Variants in DGKB observed in about 807,000 individuals in gnomAD.
DGKB encodes 90 kDa diacylglycerol kinase.
In DGKB, 67 loss-of-function variants were observed where a neutral mutation model predicts 114.3. The observed-to-expected ratio is 0.59, with a 90% CI of 0.48 to 0.72. The LOEUF (loss-of-function observed/expected upper bound fraction) is 0.72. Among genes scored for constraint, DGKB ranks in the 30% least tolerant of loss-of-function variants. The pLI is 0.00. For missense variants in DGKB, 907 were observed against 975.2 expected, an observed-to-expected ratio of 0.93 and a Z score of 0.93; for synonymous variants, 398 against 323.1, an observed-to-expected ratio of 1.23 and a Z score of -2.49.
intron 23 of DGKB, 139 bp from the exon 24 acceptor site, chr7:14,178,290 A>C: frequency 1.1e-6 from 1 of 870,588 alleles, no homozygotes; most frequent in Non-Finnish European, 1.7e-6. Flanking sequence ...AAAGTAATAA[A>C]AAGATGGCCT....
At chr7:14,170,587 T>C (rs1452602638) in intron 25 of DGKB, among the ~76,000 whole-genome samples, 2 of 152,182 alleles carry the variant, frequency 1.3e-5, no homozygotes, top group Non-Finnish European at 2.9e-5. Context: ...AAAACTTAAA[T>C]TTATACAACC....
At position 14,625,902 on chromosome 7, in the gene DGKB, T is replaced by C. The variant is rs566720768; in HGVS notation, c.1167+4334A>G. Among the ~76,000 whole-genome samples the C allele has an allele frequency of 1.1e-4, 17 of 152,310 alleles. No individual in the cohort carries two copies. In the East Asian group the frequency reaches 3.1e-3, roughly 28 times the overall value. ...GTTTGCTATGTAGACATTTTAAATA[T>C]AGAATTCAGTGTTTTGTGATCCGTA... On this transcript the variant is annotated intron_variant, in intron 14 of 25. Coordinates refer to ENST00000402815, the MANE Select transcript of DGKB (RefSeq NM_001350709.2).
intron 21 of DGKB, among the ~76,000 whole-genome samples, chr7:14,406,572 A>G (rs1045565268): frequency 3.3e-5 from 5 of 152,034 alleles, no homozygotes; most frequent in African/African-American, 9.7e-5. Context: ...ATGGAAAACC[A>G]TAAAACAATC....
At chr7:14,597,826 A>G (rs941492005) in intron 17 of DGKB, among the ~76,000 whole-genome samples, 41 of 151,422 alleles carry the variant, frequency 2.7e-4, no homozygotes, top group African/African-American at 9.4e-4. Flanking sequence ...AATAATTTAC[A>G]TGTGTGTGTG....
chr7:14,792,650 G>C lies in DGKB; in HGVS notation c.71-34919C>G, dbSNP rs146011293. On this transcript the variant is annotated intron_variant, in intron 2 of 25. Transcript: ENST00000402815. Reference sequence around the variant, plus strand: ...TAAACCAAACAAAAAAATATCTGTTGAGCAAAGTTTGAAGATTATTTTGCA... The same window carrying C: ...TAAACCAAACAAAAAAATATCTGTTCAGCAAAGTTTGAAGATTATTTTGCA... Among the ~76,000 whole-genome samples the C allele has an allele frequency of 1.3e-4, 20 of 152,224 alleles. No homozygotes were observed. In the East Asian group the frequency reaches 2.1e-3, roughly 16 times the overall value.
At chr7:14,427,152 C>T (rs1827700051) in intron 21 of DGKB, among the ~76,000 whole-genome samples, 1 of 151,956 alleles carries the variant, frequency 6.6e-6, no homozygotes, top group Non-Finnish European at 1.5e-5. Context: ...GGGCTTAATA[C>T]CTAGGTAATA....
chr7:14,471,843 A>G (rs576662071), intron 21 of DGKB, among the ~76,000 whole-genome samples: 1 of 152,126 alleles, frequency 6.6e-6, no homozygotes, highest in Non-Finnish European at 1.5e-5. Flanking sequence ...ATAAATACCT[A>G]TTGAGTACAC....
chr7:14,635,491 T>C (rs1810567956), intron 13 of DGKB, among the ~76,000 whole-genome samples: 1 of 151,400 alleles, frequency 6.6e-6, no homozygotes, highest in Non-Finnish European at 1.5e-5. Context: ...TTATAGAAAC[T>C]GTTCTTTCCA....
chr7:14,817,677 CT>C (rs1844351321), intron 2 of DGKB, among the ~76,000 whole-genome samples: 1 of 151,948 alleles, frequency 6.6e-6, no homozygotes, highest in Non-Finnish European at 1.5e-5. Context: ...TACATTTTTC[CT>C]TCTTGCCAGG....
chr7:14,615,133 T>C (rs1563684889), intron 15 of DGKB, among the ~76,000 whole-genome samples: 1 of 152,108 alleles, frequency 6.6e-6, no homozygotes, highest in Non-Finnish European at 1.5e-5. Context: ...ATGTAGATTT[T>C]AGTTGACTTT....
chr7:14,596,299 G>A (rs376862188), intron 17 of DGKB, among the ~76,000 whole-genome samples: 18 of 152,118 alleles, frequency 1.2e-4, no homozygotes, highest in Non-Finnish European at 2.1e-4. Flanking sequence ...ACACATTAAA[G>A]AGAACTGAAT....
At chr7:14,580,741 A>G in intron 19 of DGKB, 121 bp downstream of exon 19, 1 of 605,110 alleles carries the variant, frequency 1.7e-6, no homozygotes, top group South Asian at 2.9e-5. Context: ...TATATTATAT[A>G]TACCACATCA....
At chr7:14,403,476 T>C (rs1438277844) in intron 21 of DGKB, among the ~76,000 whole-genome samples, 1 of 151,726 alleles carries the variant, frequency 6.6e-6, no homozygotes, top group African/African-American at 2.4e-5. Flanking sequence ...TCTCTTCCTC[T>C]CATTCTCCTA....
At chr7:14,513,272 T>A (rs1788256866) in intron 20 of DGKB, among the ~76,000 whole-genome samples, 1 of 152,068 alleles carries the variant, frequency 6.6e-6, no homozygotes, top group Non-Finnish European at 1.5e-5. Context: ...TACATATAAT[T>A]AAGAATAAAG....
At chr7:14,254,257 T>TA (rs1313667148) in intron 23 of DGKB, among the ~76,000 whole-genome samples, 1 of 152,208 alleles carries the variant, frequency 6.6e-6, no homozygotes, top group African/African-American at 2.4e-5. Flanking sequence ...AGATTATTTT[T>TA]ATCATGCTTT....
chr7:14,754,836 T>C (rs1274356531), intron 3 of DGKB, among the ~76,000 whole-genome samples: 1 of 152,154 alleles, frequency 6.6e-6, no homozygotes. Context: ...AGTGCCACAC[T>C]CACTACAAAA....
Position 14,766,037 on chromosome 7 carries a change from T to C in DGKB, c.71-8306A>G, listed in dbSNP as rs1836402896. 1.3e-5 allele frequency among the ~76,000 whole-genome samples: 2 copies of C among 151,918 alleles called. 1 individual carries two copies. The highest frequency in any genetic ancestry group is 2.9e-5 in the Non-Finnish European group (2 of 67,894). On this transcript the variant is annotated intron_variant, in intron 2 of 25. Transcript: ENST00000402815. ...AAGCAATAATTAATGAATCAATCTA[T>C]ATGTGATTATTTGTACTTTAGAAAC...
chr7:14,937,392 T>C (rs1785329943), intron 1 of DGKB, among the ~76,000 whole-genome samples: 1 of 152,088 alleles, frequency 6.6e-6, no homozygotes, highest in Non-Finnish European at 1.5e-5. Context: ...CAGCATAATA[T>C]GGGCAAATCA....
intron 17 of DGKB, among the ~76,000 whole-genome samples, chr7:14,607,193 C>T (rs1221063052): frequency 6.9e-6 from 1 of 144,270 alleles, no homozygotes; most frequent in African/African-American, 2.5e-5. Context: ...AGATTAATAT[C>T]ATCATTAGTA....
Sources: gnomAD v4.1 joint callset for allele counts (sites outside exome capture counted in the v4.1 genomes callset) on GRCh38, gnomAD v4.1.1 for gene constraint, MANE v1.5 for transcripts, NCBI Gene and HGNC (gene_info 2026-07-23, HGNC 2026-07-21) for gene names.